The following RABGAP1L variants were observed in gnomAD, a reference collection of about 807,000 sequenced individuals.
RABGAP1L encodes the protein RAB GTPase activating protein 1 like, also known as rab GTPase-activating protein 1-like.
In RABGAP1L, 63 loss-of-function variants were observed where a neutral mutation model predicts 137.7. The observed-to-expected ratio is 0.46, with a 90% CI of 0.37 to 0.56. RABGAP1L has a LOEUF of 0.56. RABGAP1L is among the 20% of genes least tolerant of loss of function. The probability of loss-of-function intolerance (pLI) is 0.00; values close to 1 mark genes in which losing one functional copy is unlikely to be tolerated. For missense variants in RABGAP1L, 1,095 were observed against 1,244.0 expected (o/e 0.88, Z 1.80); for synonymous variants, 431 against 433.7 (o/e 0.99, Z 0.08).
chr1:174,182,637 A>G lies in RABGAP1L; in HGVS notation c.-34+22980A>G, dbSNP rs138768388. ...TTTTTGAAGCTGTTGGAGTTGGGACATAATTCTGAGTCTGAATATTTCCAC... is the reference window on the plus strand; with the variant it reads ...TTTTTGAAGCTGTTGGAGTTGGGACGTAATTCTGAGTCTGAATATTTCCAC... On this transcript the variant is annotated intron_variant, in intron 1 of 25. Transcript: ENST00000681986. Among the ~76,000 whole-genome samples, 186 of 152,320 alleles carry G rather than the reference A, an allele frequency of 1.2e-3. 7 individuals carry two copies. In the East Asian group the frequency reaches 0.032, roughly 26 times the overall value.
At chr1:174,625,729 T>C (rs922337119) in intron 13 of RABGAP1L, among the ~76,000 whole-genome samples, 2 of 152,186 alleles carry the variant, frequency 1.3e-5, no homozygotes, top group Non-Finnish European at 2.9e-5. Context: ...ATTCAGCTTA[T>C]AAAAATAATT....
At chr1:174,675,364 G>C (rs932082612) in intron 14 of RABGAP1L, among the ~76,000 whole-genome samples, 54 of 152,180 alleles carry the variant, frequency 3.5e-4, no homozygotes, top group Middle Eastern at 3.4e-3. Flanking sequence ...CCCATTGCTT[G>C]TTTTTCTCAG....
At chr1:174,470,230 T>G (rs1657759034) in intron 13 of RABGAP1L, among the ~76,000 whole-genome samples, 1 of 152,210 alleles carries the variant, frequency 6.6e-6, no homozygotes, top group Non-Finnish European at 1.5e-5. Context: ...TAAACTGATT[T>G]TGAATTTCAG....
chr1:174,644,941 G>T (rs1410605434), intron 14 of RABGAP1L, among the ~76,000 whole-genome samples: 5 of 152,022 alleles, frequency 3.3e-5, no homozygotes, highest in Non-Finnish European at 7.4e-5. Context: ...GTAGTCCTAC[G>T]CACTATACCC....
intron 19 of RABGAP1L, among the ~76,000 whole-genome samples, chr1:174,917,953 C>T (rs1488424222): frequency 1.3e-5 from 2 of 148,668 alleles, no homozygotes; most frequent in East Asian, 3.9e-4. Flanking sequence ...AAAAAAAAGC[C>T]CAAAAAACAT....
At chr1:174,682,307 T>TAC (rs762623402) in intron 14 of RABGAP1L, among the ~76,000 whole-genome samples, 3 of 148,774 alleles carry the variant, frequency 2.0e-5, no homozygotes, top group Non-Finnish European at 3.0e-5. Flanking sequence ...TATACATACA[T>TAC]ATATATATAT....
chr1:174,597,789 G>A (rs1410601161), intron 13 of RABGAP1L, among the ~76,000 whole-genome samples: 1 of 151,942 alleles, frequency 6.6e-6, no homozygotes, highest in African/African-American at 2.4e-5. Flanking sequence ...GCACTTACTG[G>A]TATAAACTTT....
intron 13 of RABGAP1L, among the ~76,000 whole-genome samples, chr1:174,636,903 TAG>T (rs1015540353): frequency 6.6e-6 from 1 of 152,034 alleles, no homozygotes; most frequent in Non-Finnish European, 1.5e-5. Context: ...GTTATATAAA[TAG>T]AAAAAAATGC....
At chr1:174,504,773 A>G (rs1661659985) in intron 13 of RABGAP1L, among the ~76,000 whole-genome samples, 1 of 152,232 alleles carries the variant, frequency 6.6e-6, no homozygotes, top group African/African-American at 2.4e-5. Context: ...AACTACTAGA[A>G]GACAGTGTAG....
At position 174,764,978 on chromosome 1, in the gene RABGAP1L, G is replaced by C. The variant is rs1685553484; in HGVS notation, c.2211+12624G>C. On this transcript the variant is annotated intron_variant, in intron 18 of 25. Transcript: ENST00000681986. ...TCCTCCCTTGGGGATGTGAATACCT[G>C]TTACTAATAAACTACTGTCAATCTC... Among the ~76,000 whole-genome samples the C allele has an allele frequency of 2.0e-5, 3 of 152,142 alleles. No individual in the cohort carries two copies. The South Asian group carries it at 6.2e-4, about 31-fold the overall frequency.
Position 174,330,178 on chromosome 1 carries a change from G to A in RABGAP1L, c.1465+25051G>A, listed in dbSNP as rs535703900. Among the ~76,000 whole-genome samples, 3 of 152,170 alleles carry A rather than the reference G, an allele frequency of 2.0e-5. No individual in the cohort carries two copies. The South Asian group carries it at 6.2e-4, about 32-fold the overall frequency. ...CTAAAGACTCCACCAAAAACTCTTA[G>A]AACTAATAAACAAATTCAGTAAAGT... On this transcript the variant is annotated intron_variant, in intron 11 of 25. Transcript: ENST00000681986.
At chr1:174,588,352 T>TG (rs922993865) in intron 13 of RABGAP1L, among the ~76,000 whole-genome samples, 1 of 151,514 alleles carries the variant, frequency 6.6e-6, no homozygotes, top group Non-Finnish European at 1.5e-5. Context: ...TTAGTAGAGA[T>TG]GGGGGTTTCA....
At chr1:174,907,551 A>C (rs1659300543) in intron 19 of RABGAP1L, among the ~76,000 whole-genome samples, 1 of 152,014 alleles carries the variant, frequency 6.6e-6, no homozygotes, top group African/African-American at 2.4e-5. Flanking sequence ...CTGGACTCAA[A>C]TGATCCACCC....
At chr1:174,425,195 C>A (rs1651810726) in intron 13 of RABGAP1L, among the ~76,000 whole-genome samples, 1 of 151,850 alleles carries the variant, frequency 6.6e-6, no homozygotes. Flanking sequence ...TATCCTTTAC[C>A]AGTAGTTTTC....
chr1:174,292,417 C>G (rs1184974222), intron 10 of RABGAP1L, among the ~76,000 whole-genome samples: 1 of 136,992 alleles, frequency 7.3e-6, no homozygotes, highest in Non-Finnish European at 1.5e-5. Context: ...CTAACCACTG[C>G]TTTAGCTGCA....
rs372151899 is a variant in RABGAP1L at position 174,642,207 on chromosome 1, A to T, written c.1824+4719A>T. On this transcript the variant is annotated intron_variant, in intron 14 of 25. Transcript: ENST00000681986. ...CTATTAACTTAATGGGAGAGATTGA[A>T]TATATTATACAGAGATTAATACCTT... Among the ~76,000 whole-genome samples, 2 of 152,314 alleles carry T rather than the reference A, an allele frequency of 1.3e-5. 1 individual carries two copies. Among genetic ancestry groups the T allele is most frequent in the Middle Eastern group, 6.8e-3 (2 of 294 alleles).
chr1:174,895,766 A>G (rs1162285387), intron 19 of RABGAP1L, among the ~76,000 whole-genome samples: 13 of 152,230 alleles, frequency 8.5e-5, no homozygotes, highest in African/African-American at 2.9e-4. Flanking sequence ...TATAAAGGAC[A>G]TGAACTCATC....
chr1:174,608,319 T>C (rs1438107731), intron 13 of RABGAP1L, among the ~76,000 whole-genome samples: 1 of 152,170 alleles, frequency 6.6e-6, no homozygotes, highest in Non-Finnish European at 1.5e-5. Context: ...CTACTACATT[T>C]AGGGTACTAG....
intron 13 of RABGAP1L, among the ~76,000 whole-genome samples, chr1:174,541,111 G>A (rs920079487): frequency 6.6e-6 from 1 of 152,120 alleles, no homozygotes; most frequent in Non-Finnish European, 1.5e-5. Context: ...TGATGTAGAG[G>A]AATGCTTGTG....
Sources: gnomAD v4.1 joint callset for allele counts (sites outside exome capture counted in the v4.1 genomes callset) on GRCh38, gnomAD v4.1.1 for gene constraint, MANE v1.5 for transcripts, NCBI Gene and HGNC (gene_info 2026-07-23, HGNC 2026-07-21) for gene names.